HNRNPUL1: variants seen among roughly 807,000 people sequenced by gnomAD.
The protein encoded by HNRNPUL1 is heterogeneous nuclear ribonucleoprotein U-like protein 1.
Under a neutral mutation model 108.5 loss-of-function variants are expected in HNRNPUL1, and 14 were observed. The observed-to-expected ratio is 0.13, with a 90% CI of 0.09 to 0.20. The LOEUF is 0.20. Among genes scored for constraint, HNRNPUL1 ranks in the 10% least tolerant of loss-of-function variants. HNRNPUL1 has a pLI of 1.00. For missense variants in HNRNPUL1, 804 were observed against 1,168.3 expected, an observed-to-expected ratio of 0.69 and a Z score of 4.55; for synonymous variants, 422 against 445.2, an observed-to-expected ratio of 0.95 and a Z score of 0.66.
chr19:41,268,843 CAA>C (rs2035026208), intron 2 of HNRNPUL1, among the ~76,000 whole-genome samples: 1 of 151,442 alleles, frequency 6.6e-6, no homozygotes, highest in South Asian at 2.1e-4. Flanking sequence ...GTCTGGGCAA[CAA>C]GAGTGAAACT....
At chr19:41,299,922 A>G (rs973647749) in intron 10 of HNRNPUL1, among the ~76,000 whole-genome samples, 3 of 152,238 alleles carry the variant, frequency 2.0e-5, no homozygotes, top group African/African-American at 4.8e-5. Flanking sequence ...AGTGTTGGCT[A>G]TGAGCCAGGG....
intron 10 of HNRNPUL1, among the ~76,000 whole-genome samples, chr19:41,296,382 G>A (rs1042285634): frequency 1.3e-5 from 2 of 152,210 alleles, no homozygotes; most frequent in African/African-American, 4.8e-5. Flanking sequence ...GGTCTTCAGG[G>A]CTACCAGCCT....
At chr19:41,280,709 C>T (rs2035852326) in intron 6 of HNRNPUL1, among the ~76,000 whole-genome samples, 1 of 152,194 alleles carries the variant, frequency 6.6e-6, no homozygotes. Flanking sequence ...GCACCCAGTT[C>T]TGTAGCCTGA....
At chr19:41,265,280 G>A (rs781213434) in intron 1 of HNRNPUL1, 66 of 1,439,676 alleles carry the variant, frequency 4.6e-5, no homozygotes, top group Non-Finnish European at 5.7e-5. Context: ...GGCTGCGAGA[G>A]TTCTGAGGAA....
intron 5 of HNRNPUL1, among the ~76,000 whole-genome samples, chr19:41,278,619 T>G (rs528273990): frequency 2.0e-5 from 3 of 152,076 alleles, no homozygotes; most frequent in African/African-American, 7.2e-5. Flanking sequence ...TTTTTTTCTT[T>G]TAATGTTTTT....
chr19:41,286,933 G>T (rs2036267959), intron 7 of HNRNPUL1, among the ~76,000 whole-genome samples: 1 of 151,778 alleles, frequency 6.6e-6, no homozygotes. Flanking sequence ...GGCCAGGCTG[G>T]TCTCGAACTC....
chr19:41,303,755 T>A (rs1018350519), intron 12 of HNRNPUL1, among the ~76,000 whole-genome samples: 2 of 152,196 alleles, frequency 1.3e-5, no homozygotes, highest in African/African-American at 4.8e-5. Flanking sequence ...TCACCATTCT[T>A]GCAGTCCAGT....
intron 10 of HNRNPUL1, among the ~76,000 whole-genome samples, chr19:41,297,722 G>A (rs995738283): frequency 1.3e-5 from 2 of 152,194 alleles, no homozygotes; most frequent in African/African-American, 2.4e-5. Context: ...AACAGCTAGA[G>A]CCAGGCCAGG....
rs549090643 is a variant in HNRNPUL1, at chr19:41,281,526, C to T, written c.999+251C>T. Among the ~76,000 whole-genome samples, 54 of 152,144 alleles carry T rather than the reference C, an allele frequency of 3.5e-4. 2 individuals are homozygous for T. In the South Asian group the frequency reaches 1.0e-2, roughly 28 times the overall value. ...TTTGGGGACTTCAGGTGTGCATAGC[C>T]TTCCTCCGTTCCTAGGTACCAGAGT... On this transcript the variant is annotated intron_variant, in intron 7 of 14. Coordinates refer to ENST00000392006, the MANE Select transcript of HNRNPUL1 (RefSeq NM_007040.6).
At chr19:41,290,955 A>C (rs1486445657) in intron 7 of HNRNPUL1, among the ~76,000 whole-genome samples, 1 of 152,200 alleles carries the variant, frequency 6.6e-6, no homozygotes. Context: ...TTGAGGCAGG[A>C]GAATCGCTTG....
intron 7 of HNRNPUL1, chr19:41,286,560 C>T (rs890413878): frequency 1.3e-5 from 2 of 152,170 alleles, no homozygotes; most frequent in Admixed American, 6.5e-5. Flanking sequence ...CCCTAACTCC[C>T]AGGAGGTCAC....
chr19:41,282,915 C>G (rs1035403671), intron 7 of HNRNPUL1, among the ~76,000 whole-genome samples: 2 of 151,182 alleles, frequency 1.3e-5, no homozygotes, highest in African/African-American at 4.9e-5. Context: ...GGGATGGTCT[C>G]GATCTCCTGA....
rs770189529 is a variant in HNRNPUL1 at position 41,272,215 on chromosome 19, T to G, written c.552T>G (p.Phe184Leu). 12 of 1,613,722 alleles carry G rather than the reference T, an allele frequency of 7.4e-6. No homozygotes were observed. The highest frequency in any genetic ancestry group is 9.3e-6 in the Non-Finnish European group (11 of 1,179,942). ...PYEENRGRGY[F>L]EHREDRRGRS... ...AAGAAAACCGGGGACGGGGGTACTT[T>G]GAGCACCGAGAGGATAGGAGGTGGG... Residue 184 changes from phenylalanine to leucine, a missense_variant, in exon 3 of 15, where the codon TTT becomes TTG. By Grantham distance (22) the Phe-to-Leu change is conservative. Transcript: ENST00000392006.
rs541762944 is a variant in HNRNPUL1 at position 41,306,332 on chromosome 19, C to G, written c.2455-117C>G. On this transcript the variant is annotated intron_variant, in intron 14 of 14. Coordinates refer to ENST00000392006, the MANE Select transcript of HNRNPUL1 (RefSeq NM_007040.6). ...TGCCTTGATTTCTCTGTCAGGGGACCTGTGTTCAACTGTTGTCACTGCAGC... is the reference window on the plus strand; with the variant it reads ...TGCCTTGATTTCTCTGTCAGGGGACGTGTGTTCAACTGTTGTCACTGCAGC... 77 of 643,814 alleles carry G rather than the reference C, an allele frequency of 1.2e-4. No individual in the cohort carries two copies. The African/African-American group carries it at 1.3e-3, about 11-fold the overall frequency. The allele number at this position is 643,814 out of a possible 1,614,324, so 39.9% of individuals were successfully genotyped here.
chr19:41,293,955 T>A (rs1038234724), intron 8 of HNRNPUL1, among the ~76,000 whole-genome samples: 1 of 152,192 alleles, frequency 6.6e-6, no homozygotes, highest in African/African-American at 2.4e-5. Flanking sequence ...TGCAGTGAGC[T>A]GTAATTGGGC....
intron 10 of HNRNPUL1, chr19:41,299,052 G>A (rs1007402865): frequency 1.3e-5 from 2 of 152,204 alleles, no homozygotes; most frequent in African/African-American, 4.8e-5. Flanking sequence ...CCTATGACCA[G>A]ATGCCACGTT....
At chr19:41,283,574 GC>G (rs1373701860) in intron 7 of HNRNPUL1, among the ~76,000 whole-genome samples, 2 of 152,202 alleles carry the variant, frequency 1.3e-5, no homozygotes, top group Non-Finnish European at 2.9e-5. Flanking sequence ...TCCTGCCTCA[GC>G]CTCCTGAGTA....
At chr19:41,281,532 C>G (rs1369964846) in intron 7 of HNRNPUL1, among the ~76,000 whole-genome samples, 1 of 152,032 alleles carries the variant, frequency 6.6e-6, no homozygotes, top group African/African-American at 2.4e-5. Flanking sequence ...TAGCCTTCCT[C>G]CGTTCCTAGG....
At chr19:41,282,015 A>G (rs1172892915) in intron 7 of HNRNPUL1, among the ~76,000 whole-genome samples, 1 of 152,250 alleles carries the variant, frequency 6.6e-6, no homozygotes, top group African/African-American at 2.4e-5. Context: ...GTAAGTGCTC[A>G]GTAAATACCA....
Sources: gnomAD v4.1 joint callset for allele counts (sites outside exome capture counted in the v4.1 genomes callset) on GRCh38, gnomAD v4.1.1 for gene constraint, MANE v1.5 for transcripts, NCBI Gene and HGNC (gene_info 2026-07-23, HGNC 2026-07-21) for gene names.